TNR: variants seen among roughly 807,000 people sequenced by gnomAD.
TNR encodes the protein tenascin-R.
A neutral mutation model predicts 150.4 loss-of-function variants in TNR; 45 were observed. The observed-to-expected ratio is 0.30, with a 90% CI of 0.24 to 0.38. TNR has a LOEUF of 0.38. TNR is among the 10% of genes least tolerant of loss of function. TNR has a pLI of 1.00. For missense variants in TNR, 1,544 were observed against 1,759.1 expected (o/e 0.88, Z 2.19); for synonymous variants, 687 against 678.4 (o/e 1.01, Z -0.20).
intron 1 of TNR, among the ~76,000 whole-genome samples, chr1:175,632,338 TG>T: frequency 6.6e-6 from 1 of 152,364 alleles, no homozygotes. Context: ...CGGAGGACTC[TG>T]TAGGGCATCA....
chr1:175,618,102 A>G (rs141231609), intron 1 of TNR, among the ~76,000 whole-genome samples: 20 of 152,314 alleles, frequency 1.3e-4, no homozygotes, highest in African/African-American at 4.1e-4. Flanking sequence ...TAACTACAGT[A>G]TTGGGGCAGG....
chr1:175,588,328 G>A (rs1389395663), intron 1 of TNR, among the ~76,000 whole-genome samples: 1 of 152,102 alleles, frequency 6.6e-6, no homozygotes, highest in African/African-American at 2.4e-5. Flanking sequence ...GATATGAAAG[G>A]GTAAAAAAAT....
In TNR at chr1:175,320,138, G is replaced by A. The variant is rs906907031; in HGVS notation, c.*3219C>T. On this transcript the variant is annotated 3_prime_UTR_variant, in exon 23 of 23. Transcript: ENST00000367674. ...ACAGCCTCTGAGAAGGGTCTACCTCGATTCCTTTTGAGTCCCTTGAGGGAA... is the reference window on the plus strand; with the variant it reads ...ACAGCCTCTGAGAAGGGTCTACCTCAATTCCTTTTGAGTCCCTTGAGGGAA... 5 of 152,288 alleles carry A rather than the reference G, an allele frequency of 3.3e-5. No individual in the cohort carries two copies. Among genetic ancestry groups the A allele is most frequent in the Non-Finnish European group, 7.3e-5 (5 of 68,042 alleles). 9.4% of individuals were successfully genotyped at this position (152,288 alleles called of 1,614,324 possible).
chr1:175,559,444 T>C (rs1661327240), intron 1 of TNR, among the ~76,000 whole-genome samples: 1 of 152,186 alleles, frequency 6.6e-6, no homozygotes, highest in Non-Finnish European at 1.5e-5. Flanking sequence ...ACATTTTAAA[T>C]AGAATGAAAA....
intron 8 of TNR, among the ~76,000 whole-genome samples, chr1:175,385,267 G>C (rs906808610): frequency 6.6e-6 from 1 of 152,222 alleles, no homozygotes; most frequent in African/African-American, 2.4e-5. Flanking sequence ...GATGGTGCCT[G>C]TCCTACTAGC....
At chr1:175,404,448 T>C (rs1653858783) in intron 3 of TNR, among the ~76,000 whole-genome samples, 1 of 152,228 alleles carries the variant, frequency 6.6e-6, no homozygotes, top group South Asian at 2.1e-4. Context: ...GTCTCTGTCC[T>C]AGACCTTACT....
chr1:175,482,185 TGAATGAAGTC>T (rs1657839452), intron 2 of TNR, among the ~76,000 whole-genome samples: 1 of 152,136 alleles, frequency 6.6e-6, no homozygotes. Flanking sequence ...AAAGAACGAG[TGAATGAAGTC>T]CACTAGGCTG....
chr1:175,585,364 A>G (rs1424451023), intron 1 of TNR, among the ~76,000 whole-genome samples: 2 of 152,244 alleles, frequency 1.3e-5, no homozygotes, highest in Non-Finnish European at 2.9e-5. Context: ...CTGAAACAAA[A>G]TCACAAAATG....
At chr1:175,713,124 A>G (rs1667062629) in intron 1 of TNR, among the ~76,000 whole-genome samples, 1 of 152,194 alleles carries the variant, frequency 6.6e-6, no homozygotes, top group South Asian at 2.1e-4. Context: ...GGCTGGGATC[A>G]ACCAAGGTAA....
chr1:175,396,622 C>T lies in TNR; in HGVS notation c.1162G>A (p.Gly388Ser), dbSNP rs779382990. ...SGVTITELEP[G>S]LTYNISVYAV... is the part of the protein sequence containing the mutation. ...TAGACGCTGATGTTGTAGGTGAGAC[C>T]TGGCTCCAGCTCCGTGATGGTGACA... Residue 388 changes from glycine to serine, a missense_variant, in exon 5 of 23, where the codon GGT becomes AGT. By Grantham distance (56) the Gly-to-Ser change is moderately conservative. This residue lies in a region of TNR where 1,254 missense variants were observed against 1,329.4 expected (regional missense o/e 0.94). Transcript: ENST00000367674. 3 of 1,614,226 alleles carry T rather than the reference C, an allele frequency of 1.9e-6. No homozygotes were observed.
intron 2 of TNR, among the ~76,000 whole-genome samples, chr1:175,448,643 G>A (rs2102090146): frequency 6.6e-6 from 1 of 152,306 alleles, no homozygotes; most frequent in East Asian, 1.9e-4. Flanking sequence ...CAGCTTTCGA[G>A]CTGTGGAGGC....
At chr1:175,491,176 A>G (rs888505378) in intron 2 of TNR, among the ~76,000 whole-genome samples, 3 of 75,258 alleles carry the variant, frequency 4.0e-5, no homozygotes, top group African/African-American at 1.7e-4. Context: ...TGATGAGAAC[A>G]CATGGGCACA....
At position 175,347,053 on chromosome 1, in the gene TNR, A is replaced by G. The variant is rs116531402; in HGVS notation, c.3382+7338T>C. On this transcript the variant is annotated intron_variant, in intron 18 of 22. Transcript: ENST00000367674. ...AGGTCAGTTTCATTTATGACTGTAGATGTGAAAAGTCTAAACGGATGGTAG... is the reference window on the plus strand; with the variant it reads ...AGGTCAGTTTCATTTATGACTGTAGGTGTGAAAAGTCTAAACGGATGGTAG... Among the ~76,000 whole-genome samples the G allele has an allele frequency of 1.6e-3, 251 of 152,296 alleles. 3 individuals are homozygous for G. The highest frequency in any genetic ancestry group is 5.8e-3 in the African/African-American group (242 of 41,600).
At chr1:175,340,858 C>G (rs1029281377) in intron 18 of TNR, among the ~76,000 whole-genome samples, 2 of 152,182 alleles carry the variant, frequency 1.3e-5, no homozygotes, top group Non-Finnish European at 2.9e-5. Flanking sequence ...GTCTGTCTCT[C>G]TCTCCCACTT....
chr1:175,616,409 G>A (rs1663776976), intron 1 of TNR, among the ~76,000 whole-genome samples: 1 of 152,170 alleles, frequency 6.6e-6, no homozygotes, highest in South Asian at 2.1e-4. Context: ...ACAACCTCCT[G>A]GCAGCTGGCG....
chr1:175,573,578 T>TG (rs1661975741), intron 1 of TNR, among the ~76,000 whole-genome samples: 3 of 152,336 alleles, frequency 2.0e-5, no homozygotes, highest in Non-Finnish European at 1.5e-5. Context: ...TTCTGCAAAG[T>TG]GGGCAAAGAC....
intron 1 of TNR, among the ~76,000 whole-genome samples, chr1:175,639,548 CATGA>C (rs1216340834): frequency 1.3e-5 from 2 of 152,162 alleles, no homozygotes; most frequent in African/African-American, 4.8e-5. Flanking sequence ...TTTACCAACC[CATGA>C]ATCAACCACT....
intron 1 of TNR, among the ~76,000 whole-genome samples, chr1:175,551,909 G>T (rs1347239372): frequency 1.3e-5 from 2 of 152,046 alleles, no homozygotes; most frequent in African/African-American, 2.4e-5. Context: ...GTGGAGGGAG[G>T]GTTGTAAGGG....
intron 1 of TNR, among the ~76,000 whole-genome samples, chr1:175,547,690 G>A (rs12125075): frequency 0.031 from 4,726 of 151,808 alleles, 108 homozygotes; most frequent in Middle Eastern, 0.061. Flanking sequence ...GAGAAAGAAA[G>A]AAAAAAGAAA....
Sources: allele counts gnomAD v4.1 joint callset (sites outside exome capture counted in the v4.1 genomes callset), GRCh38; gene constraint gnomAD v4.1.1; regional missense constraint gnomAD v4.1.1; transcripts MANE v1.5; gene names NCBI Gene and HGNC (gene_info 2026-07-23, HGNC 2026-07-21).